Variants in TENM1 observed in about 807,000 individuals in gnomAD.
TENM1 encodes teneurin-1.
In TENM1, 35 loss-of-function variants were observed where a neutral mutation model predicts 174.8. That is an observed-to-expected ratio of 0.20 (90% CI 0.15 to 0.27). The LOEUF (loss-of-function observed/expected upper bound fraction) is 0.27, where lower values mean the gene tolerates loss of function less well. Ranked by LOEUF, TENM1 falls within the 10% of genes least tolerant of loss-of-function variation. TENM1 has a pLI of 1.00. For synonymous variants in TENM1, 781 were observed against 798.7 expected, an observed-to-expected ratio of 0.98 and a Z score of 0.37; for missense variants, 1,633 against 2,130.1, an observed-to-expected ratio of 0.77 and a Z score of 4.59.
chrX:124,761,375 G>A (rs902379837), intron 3 of TENM1, among the ~76,000 whole-genome samples: 5 of 110,073 alleles, frequency 4.5e-5, no homozygotes, highest in African/African-American at 1.3e-4. Context: ...AAAAAAGGAT[G>A]AGTTCATGTC....
intron 18 of TENM1, among the ~76,000 whole-genome samples, chrX:124,517,231 T>C (rs1008402810): frequency 6.3e-5 from 7 of 110,680 alleles, no homozygotes; most frequent in Non-Finnish European, 1.3e-4. Context: ...CAAAACAATC[T>C]GTACAACAAA....
At chrX:124,873,116 G>T (rs1344643180) in intron 3 of TENM1, among the ~76,000 whole-genome samples, 1 of 110,870 alleles carries the variant, frequency 9.0e-6, no homozygotes, top group Non-Finnish European at 1.9e-5. Flanking sequence ...AAGAAAGCAG[G>T]TGAATTGGAT....
intron 23 of TENM1, among the ~76,000 whole-genome samples, chrX:124,452,076 T>C (rs748892089): frequency 8.9e-6 from 1 of 111,853 alleles, no homozygotes; most frequent in South Asian, 3.7e-4. Flanking sequence ...ACCATCAGAG[T>C]GAACAGGCAA....
chrX:124,822,327 T>C (rs774776124), intron 3 of TENM1, among the ~76,000 whole-genome samples: 5 of 112,477 alleles, frequency 4.4e-5, no homozygotes, highest in Non-Finnish European at 9.4e-5. Flanking sequence ...CATGGACTGT[T>C]ACATGAAACA....
chrX:124,573,690 G>A (rs141573346), intron 11 of TENM1, among the ~76,000 whole-genome samples: 3 of 111,991 alleles, frequency 2.7e-5, no homozygotes, highest in Admixed American at 9.4e-5. Context: ...TCATGAATGA[G>A]GGAATCCTCT....
exon 32 of TENM1, chrX:124,379,693 AC>A (rs1271563268): frequency 8.9e-6 from 1 of 112,358 alleles, no homozygotes; most frequent in East Asian, 2.8e-4. Context: ...CTAATGTGAA[AC>A]TATGACCAAA....
the TENM1 span, among the ~76,000 whole-genome samples, chrX:124,982,687 T>A: frequency 8.9e-6 from 1 of 112,320 alleles, no homozygotes; most frequent in Non-Finnish European, 1.9e-5. Context: ...TTTAGAAATA[T>A]CACTGTCATT....
the TENM1 span, among the ~76,000 whole-genome samples, chrX:125,082,453 C>T: frequency 9.0e-6 from 1 of 111,021 alleles, no homozygotes; most frequent in Admixed American, 9.6e-5. Context: ...TACAAACTGG[C>T]CCCTGCCTCC....
chrX:124,677,626 G>C (rs1186923394), intron 5 of TENM1, among the ~76,000 whole-genome samples: 2 of 111,614 alleles, frequency 1.8e-5, no homozygotes, highest in Non-Finnish European at 3.8e-5. Context: ...TATTAATGTA[G>C]TTAAAAATTA....
rs186326777 is a variant in TENM1 at position 124,544,542 on chromosome X, G to A, written c.2651+2332C>T. On this transcript the variant is annotated intron_variant, in intron 15 of 31. Transcript: ENST00000422452. Reference sequence around the variant, plus strand: ...ATGTATCAAAAGGTCCATTTCATGAGTCACTCAATTGTGATCTACAAAGAA... The same window carrying A: ...ATGTATCAAAAGGTCCATTTCATGAATCACTCAATTGTGATCTACAAAGAA... Among the ~76,000 whole-genome samples the A allele has an allele frequency of 2.7e-5, 3 of 112,464 alleles. No homozygotes were observed. In the Admixed American group the frequency reaches 2.8e-4, roughly 11 times the overall value.
At chrX:125,105,954 C>T in the TENM1 span, among the ~76,000 whole-genome samples, 4 of 112,025 alleles carry the variant, frequency 3.6e-5, no homozygotes, top group Admixed American at 3.8e-4. Context: ...AAATCATGTA[C>T]TCACACCTGC....
At chrX:124,963,573 T>G in exon 1 of TENM1, 1 of 1,211,695 alleles carries the variant, frequency 8.3e-7, no homozygotes, top group Non-Finnish European at 1.1e-6. Context: ...CTCTTTCTAC[T>G]CTGGCTATTG....
At chrX:124,586,859 T>C (rs1254911298) in intron 11 of TENM1, among the ~76,000 whole-genome samples, 1 of 108,930 alleles carries the variant, frequency 9.2e-6, no homozygotes, top group Admixed American at 9.8e-5. Context: ...ACAAAATCCA[T>C]GTACAAAAAT....
At chrX:125,082,441 C>G in the TENM1 span, among the ~76,000 whole-genome samples, 1 of 111,092 alleles carries the variant, frequency 9.0e-6, no homozygotes, top group Non-Finnish European at 1.9e-5. Context: ...TACAGGGCCC[C>G]ATACAAACTG....
intron 11 of TENM1, among the ~76,000 whole-genome samples, chrX:124,587,430 C>T: frequency 9.2e-6 from 1 of 108,681 alleles, no homozygotes; most frequent in South Asian, 4.0e-4. Flanking sequence ...GAAAAACAAG[C>T]AATGGGGAAA....
chrX:124,583,975 A>C (rs2049411726), intron 11 of TENM1, among the ~76,000 whole-genome samples: 1 of 109,173 alleles, frequency 9.2e-6, no homozygotes, highest in Non-Finnish European at 1.9e-5. Flanking sequence ...CGAGAAGGGA[A>C]GTTTAGAGAA....
At chrX:124,608,247 G>A (rs1322851153) in intron 11 of TENM1, among the ~76,000 whole-genome samples, 2 of 111,297 alleles carry the variant, frequency 1.8e-5, no homozygotes, top group Admixed American at 1.9e-4. Context: ...ATAAGCTGCA[G>A]TCTTCCTAAT....
exon 32 of TENM1, chrX:124,381,225 T>C (rs758174839): frequency 8.3e-6 from 10 of 1,203,243 alleles, no homozygotes; most frequent in Middle Eastern, 2.3e-4. Flanking sequence ...CGGGGAGTCA[T>C]AGGTAGTTGG....
chrX:124,757,228 C>G (rs896365675), intron 3 of TENM1, among the ~76,000 whole-genome samples: 1 of 112,509 alleles, frequency 8.9e-6, no homozygotes, highest in Non-Finnish European at 1.9e-5. Flanking sequence ...TCGCTGCCAC[C>G]TTGCAGTTTG....
Sources: allele counts gnomAD v4.1 joint callset (sites outside exome capture counted in the v4.1 genomes callset), GRCh38; gene constraint gnomAD v4.1.1; transcripts MANE v1.5; gene names NCBI Gene and HGNC (gene_info 2026-07-23, HGNC 2026-07-21).